Variants in MEMO1 observed in about 807,000 individuals in gnomAD.
MEMO1 encodes mediator of cell motility 1.
In MEMO1, 6 loss-of-function variants were observed where a neutral mutation model predicts 45.2. That is an observed-to-expected ratio of 0.13 (90% CI 0.07 to 0.26). The LOEUF (loss-of-function observed/expected upper bound fraction) is 0.26. Ranked by LOEUF, MEMO1 falls within the 10% of genes least tolerant of loss-of-function variation. The probability of loss-of-function intolerance (pLI) is 1.00; values close to 1 mark genes in which losing one functional copy is unlikely to be tolerated. For missense variants in MEMO1, 184 were observed against 370.5 expected, an observed-to-expected ratio of 0.50 and a Z score of 4.13; for synonymous variants, 78 against 124.3, an observed-to-expected ratio of 0.63 and a Z score of 2.48.
chr2:31,985,593 T>G (rs1469027866), intron 2 of MEMO1, among the ~76,000 whole-genome samples: 1 of 152,240 alleles, frequency 6.6e-6, no homozygotes, highest in Non-Finnish European at 1.5e-5. Flanking sequence ...CCCAAAGTGC[T>G]GGGATTACAG....
rs115832213 is a variant in MEMO1, at chr2:31,894,607, G to A, written c.438-2473C>T. Among the ~76,000 whole-genome samples, 430 of 152,196 alleles carry A rather than the reference G, an allele frequency of 2.8e-3. 1 individual carries two copies. Among genetic ancestry groups the A allele is most frequent in the Non-Finnish European group, 4.4e-3 (301 of 68,000 alleles). On this transcript the variant is annotated intron_variant, in intron 6 of 9. Transcript: ENST00000404530. ...ACGCATGTACAGGGGACTCCCATAAGGTCCTAAGCTCCACACAAAACGCAG... is the reference window on the plus strand; with the variant it reads ...ACGCATGTACAGGGGACTCCCATAAAGTCCTAAGCTCCACACAAAACGCAG...
chr2:31,961,291 G>A (rs1667979192), intron 2 of MEMO1, among the ~76,000 whole-genome samples: 1 of 152,184 alleles, frequency 6.6e-6, no homozygotes, highest in Admixed American at 6.5e-5. Context: ...CTGGGAGGCA[G>A]AGGTTGTAGT....
chr2:31,869,987 TAAAA>T, intron 8 of MEMO1, 35 bp from the exon 9 acceptor site: 1 of 1,358,586 alleles, frequency 7.4e-7, no homozygotes, highest in East Asian at 2.7e-5. Flanking sequence ...AAGAAAAAAA[TAAAA>T]GAAGAAGACA....
At chr2:31,941,045 C>A (rs1256130097) in intron 3 of MEMO1, among the ~76,000 whole-genome samples, 1 of 152,194 alleles carries the variant, frequency 6.6e-6, no homozygotes, top group Non-Finnish European at 1.5e-5. Flanking sequence ...AAGAGTAATT[C>A]TTTTCAAACC....
chr2:31,877,631 T>C (rs1674743558), intron 8 of MEMO1, among the ~76,000 whole-genome samples: 3 of 152,326 alleles, frequency 2.0e-5, no homozygotes, highest in African/African-American at 7.2e-5. Flanking sequence ...TTCACCATTT[T>C]GGAAAATCAA....
rs538979168 is a variant in MEMO1, at chr2:31,888,817, G to T, written c.580+3175C>A. On this transcript the variant is annotated intron_variant, in intron 7 of 9. Transcript: ENST00000404530. ...TCTTTTTGGGGAACTCAAATGAGGGGATTGAAAGAAGGGGGATAATGGAAT... is the reference window on the plus strand; with the variant it reads ...TCTTTTTGGGGAACTCAAATGAGGGTATTGAAAGAAGGGGGATAATGGAAT... Among the ~76,000 whole-genome samples, 4 of 152,134 alleles carry T rather than the reference G, an allele frequency of 2.6e-5. No individual in the cohort carries two copies. In the South Asian group the frequency reaches 8.3e-4, roughly 32 times the overall value.
rs72859066 is a variant in MEMO1 at position 31,880,436 on chromosome 2, A to T, written c.657+2950T>A. 2.9e-3 allele frequency among the ~76,000 whole-genome samples: 439 copies of T among 152,370 alleles called. 4 individuals carry two copies. The highest frequency in any genetic ancestry group is 1.0e-2 in the African/African-American group (415 of 41,588). On this transcript the variant is annotated intron_variant, in intron 8 of 9. Coordinates refer to ENST00000404530, the MANE Select transcript of MEMO1 (RefSeq NM_001301833.4). Reference sequence around the variant, plus strand: ...ACATGATAAACACACTAAGTAACCAACTTTACATTCATTACATTTGGCTTT... The same window carrying T: ...ACATGATAAACACACTAAGTAACCATCTTTACATTCATTACATTTGGCTTT...
intron 8 of MEMO1, among the ~76,000 whole-genome samples, chr2:31,882,367 G>A (rs982749008): frequency 5.1e-4 from 78 of 151,990 alleles, no homozygotes; most frequent in African/African-American, 1.8e-3. Flanking sequence ...AAGATCAATG[G>A]GAAATGCAAA....
chr2:31,963,180 C>T (rs574434487), intron 2 of MEMO1: 2 of 1,544,304 alleles, frequency 1.3e-6, no homozygotes, highest in South Asian at 1.2e-5. Context: ...ACCGTCAGCT[C>T]TCCTGGGTCT....
chr2:31,987,531 G>T (rs1671418644), intron 2 of MEMO1, among the ~76,000 whole-genome samples: 1 of 152,180 alleles, frequency 6.6e-6, no homozygotes, highest in Non-Finnish European at 1.5e-5. Context: ...GGCTAAATTT[G>T]TCATCATTCA....
At chr2:31,893,214 A>G (rs1473471913) in intron 6 of MEMO1, 2 of 425,940 alleles carry the variant, frequency 4.7e-6, no homozygotes, top group South Asian at 4.0e-5. Context: ...TAGGGCACCC[A>G]AGCACCTCCC....
chr2:31,869,704 G>A (rs1673385205), intron 9 of MEMO1, 144 bp downstream of exon 9: 8 of 759,490 alleles, frequency 1.1e-5, no homozygotes, highest in Non-Finnish European at 1.6e-5. Context: ...CAAAAGCAAT[G>A]GAACTCCAAA....
intron 2 of MEMO1, among the ~76,000 whole-genome samples, chr2:31,943,998 G>A (rs540111748): frequency 2.6e-5 from 4 of 152,064 alleles, no homozygotes; most frequent in South Asian, 2.1e-4. Flanking sequence ...ACTGTCCTTC[G>A]TCTCTACTTC....
chr2:31,870,070 AAAG>A (rs1201710823), intron 8 of MEMO1, 118 bp from the exon 9 acceptor site: 1 of 799,164 alleles, frequency 1.3e-6, no homozygotes, highest in African/African-American at 1.8e-5. Flanking sequence ...AGGGAGACAC[AAAG>A]AAAACAGATT....
In MEMO1 at chr2:31,892,147, AG is replaced by A; in HGVS notation, c.438-14del. On this transcript the variant is annotated splice_polypyrimidine_tract_variant and intron_variant, in intron 6 of 9. Coordinates refer to ENST00000404530, the MANE Select transcript of MEMO1 (RefSeq NM_001301833.4). The stretch of plus-strand genomic sequence containing the variant: ...CTCATCCTTATGGCTTAAAGAAAAC[AG>A]AAAAAAAAAAAATGTCATTTAAGAT... The A allele has an allele frequency of 1.3e-6, 2 of 1,562,690 alleles. No homozygotes were observed. The highest frequency in any genetic ancestry group is 1.7e-6 in the Non-Finnish European group (2 of 1,159,256).
chr2:31,926,724 G>A lies in MEMO1; in HGVS notation c.212+5343C>T, dbSNP rs189446261. 1.8e-3 allele frequency among the ~76,000 whole-genome samples: 270 copies of A among 152,098 alleles called. 1 individual carries two copies. Among genetic ancestry groups the A allele is most frequent in the African/African-American group, 5.9e-3 (244 of 41,500 alleles). On this transcript the variant is annotated intron_variant, in intron 4 of 9. Transcript: ENST00000404530. ...TAGCAGGGCGTGGTGGCATGTGCCT[G>A]TAATCCTACCTACTCGGGAGACCGA...
chr2:31,961,668 C>T (rs955401368), intron 2 of MEMO1, among the ~76,000 whole-genome samples: 1 of 151,812 alleles, frequency 6.6e-6, no homozygotes, highest in Non-Finnish European at 1.5e-5. Context: ...GCCCCAGCTA[C>T]TCAGGAAGCT....
At position 31,957,238 on chromosome 2, in the gene MEMO1, C is replaced by A. The variant is rs186690277; in HGVS notation, c.62-13855G>T. On this transcript the variant is annotated intron_variant, in intron 2 of 9. Coordinates refer to ENST00000404530, the MANE Select transcript of MEMO1 (RefSeq NM_001301833.4). ...CTTTTCACTGTATACTCTTTCAGAT[C>A]GTTTGTATTTTACACTACGTACATG... is the stretch of plus-strand genomic sequence containing the variant. Among the ~76,000 whole-genome samples, 242 of 151,646 alleles carry A rather than the reference C, an allele frequency of 1.6e-3. 1 individual carries two copies. The highest frequency in any genetic ancestry group is 5.5e-3 in the African/African-American group (226 of 41,304).
At chr2:31,919,384 C>T (rs566503791) in intron 5 of MEMO1, among the ~76,000 whole-genome samples, 3 of 152,194 alleles carry the variant, frequency 2.0e-5, no homozygotes, top group Non-Finnish European at 4.4e-5. Flanking sequence ...AACTCCTGAG[C>T]TCAAGCAGTC....
Sources: gnomAD v4.1 joint callset for allele counts (sites outside exome capture counted in the v4.1 genomes callset) on GRCh38, gnomAD v4.1.1 for gene constraint, MANE v1.5 for transcripts, NCBI Gene and HGNC (gene_info 2026-07-23, HGNC 2026-07-21) for gene names.